CNTN3: variants seen among roughly 807,000 people sequenced by gnomAD.
The protein encoded by CNTN3 is contactin 3.
Under a neutral mutation model 119.1 loss-of-function variants are expected in CNTN3, and 60 were observed. The observed-to-expected ratio is 0.50, with a 90% CI of 0.41 to 0.62. CNTN3 has a LOEUF of 0.62. CNTN3 is among the 20% of genes least tolerant of loss of function. The pLI is 0.00. For missense variants in CNTN3, 1,101 were observed against 1,242.4 expected, an observed-to-expected ratio of 0.89 and a Z score of 1.71; for synonymous variants, 450 against 438.7, an observed-to-expected ratio of 1.03 and a Z score of -0.32.
chr3:74,599,414 C>T (rs1575859205), intron 1 of CNTN3, among the ~76,000 whole-genome samples: 2 of 152,058 alleles, frequency 1.3e-5, no homozygotes, highest in African/African-American at 4.8e-5. Flanking sequence ...ACTCTCCAAC[C>T]TTTTTGGCAC....
At chr3:74,476,389 C>G (rs1702655634) in intron 4 of CNTN3, among the ~76,000 whole-genome samples, 1 of 152,122 alleles carries the variant, frequency 6.6e-6, no homozygotes, top group Non-Finnish European at 1.5e-5. Context: ...AGACAGTTCT[C>G]ACTTTGGTAT....
chr3:74,411,615 C>T (rs1328808233), intron 5 of CNTN3, among the ~76,000 whole-genome samples: 1 of 152,168 alleles, frequency 6.6e-6, no homozygotes, highest in Non-Finnish European at 1.5e-5. Context: ...TATTACCATT[C>T]TGCAAGAATA....
At chr3:74,506,992 G>A (rs1388197385) in intron 2 of CNTN3, among the ~76,000 whole-genome samples, 2 of 151,476 alleles carry the variant, frequency 1.3e-5, no homozygotes, top group Non-Finnish European at 2.9e-5. Flanking sequence ...GTTAGGACCA[G>A]ACACAATTCC....
chr3:74,389,610 C>T (rs1704842467), intron 5 of CNTN3, among the ~76,000 whole-genome samples: 1 of 152,134 alleles, frequency 6.6e-6, no homozygotes, highest in African/African-American at 2.4e-5. Context: ...CTCTTTTAAT[C>T]TTCACACCAT....
chr3:74,418,851 C>T (rs775098708), intron 5 of CNTN3, among the ~76,000 whole-genome samples: 40 of 151,762 alleles, frequency 2.6e-4, no homozygotes, highest in South Asian at 1.0e-3. Context: ...TGCAATGGTG[C>T]GATCTCGGCT....
chr3:74,276,747 AC>A (rs1386216445), intron 20 of CNTN3, among the ~76,000 whole-genome samples: 5 of 152,112 alleles, frequency 3.3e-5, no homozygotes, highest in Non-Finnish European at 7.4e-5. Flanking sequence ...AACAGACCAA[AC>A]CCAAACTCAG....
intron 1 of CNTN3, among the ~76,000 whole-genome samples, chr3:74,594,265 CTTTT>C (rs1178602846): frequency 8.5e-4 from 92 of 108,212 alleles, no homozygotes; most frequent in Non-Finnish European, 1.5e-3. Context: ...AACTGTATTT[CTTTT>C]TTTCTTTTTT....
chr3:74,264,779 G>GA (rs1701636337), intron 22 of CNTN3, among the ~76,000 whole-genome samples: 1 of 152,130 alleles, frequency 6.6e-6, no homozygotes, highest in East Asian at 1.9e-4. Flanking sequence ...AGCCAAAAAG[G>GA]ACTAAGACAC....
intron 11 of CNTN3, among the ~76,000 whole-genome samples, chr3:74,352,847 C>CTACG (rs1312403342): frequency 3.3e-5 from 5 of 152,154 alleles, no homozygotes; most frequent in African/African-American, 1.2e-4. Context: ...GAGATCTCAG[C>CTACG]TACGTATCTG....
At chr3:74,503,071 T>A (rs142860630) in intron 2 of CNTN3, among the ~76,000 whole-genome samples, 1 of 152,204 alleles carries the variant, frequency 6.6e-6, no homozygotes, top group Non-Finnish European at 1.5e-5. Context: ...AGAGCTCATC[T>A]TCTCACCTTG....
At position 74,371,399 on chromosome 3, in the gene CNTN3, T is replaced by C; in HGVS notation, c.455A>G (p.Glu152Gly). The C allele has an allele frequency of 6.2e-7, 1 of 1,610,070 alleles. No individual in the cohort carries two copies. Among genetic ancestry groups the C allele is most frequent in the East Asian group, 2.2e-5 (1 of 44,842 alleles). ...LLCGPPPHSGELSYAWIFNEY... is the reference protein window; with the variant it reads ...LLCGPPPHSGGLSYAWIFNEY... Reference sequence around the variant, plus strand: ...ATTGAAGATCCAAGCATATGACAGTTCTAATAAAATTGTTGAAGAGAGAAA... The same window carrying C: ...ATTGAAGATCCAAGCATATGACAGTCCTAATAAAATTGTTGAAGAGAGAAA... The change falls in exon 6 of 23, where the codon GAA becomes GGA. Residue 152 changes from glutamate to glycine, a missense_variant and splice_region_variant. Physicochemically the swap from Glu to Gly is moderately conservative, Grantham distance 98 (BLOSUM62 -2). Transcript: ENST00000263665.
intron 16 of CNTN3, among the ~76,000 whole-genome samples, chr3:74,300,910 A>G (rs1240096008): frequency 1.3e-5 from 2 of 152,316 alleles, no homozygotes; most frequent in Non-Finnish European, 1.5e-5. Context: ...TCTCACATGG[A>G]AATTCCTATC....
intron 5 of CNTN3, among the ~76,000 whole-genome samples, chr3:74,378,850 T>G (rs1704543514): frequency 6.6e-6 from 1 of 152,182 alleles, no homozygotes; most frequent in Non-Finnish European, 1.5e-5. Context: ...CCCTTCTTGC[T>G]TTTGTAGGGC....
chr3:74,610,945 A>G (rs1322749785), intron 1 of CNTN3, among the ~76,000 whole-genome samples: 1 of 152,258 alleles, frequency 6.6e-6, no homozygotes. Flanking sequence ...CTCATTTATC[A>G]GTAATATAAT....
At chr3:74,388,249 TAAA>T (rs1704805788) in intron 5 of CNTN3, among the ~76,000 whole-genome samples, 1 of 152,170 alleles carries the variant, frequency 6.6e-6, no homozygotes, top group Non-Finnish European at 1.5e-5. Context: ...TGAATTTAAA[TAAA>T]AAGTCTACAC....
At chr3:74,386,723 C>A (rs1362257141) in intron 5 of CNTN3, among the ~76,000 whole-genome samples, 1 of 152,156 alleles carries the variant, frequency 6.6e-6, no homozygotes, top group African/African-American at 2.4e-5. Flanking sequence ...AAAATGATAA[C>A]CTTATAGGTG....
intron 11 of CNTN3, among the ~76,000 whole-genome samples, chr3:74,356,054 G>A (rs868305687): frequency 2.6e-5 from 4 of 152,078 alleles, no homozygotes; most frequent in South Asian, 4.1e-4. Flanking sequence ...AAGAAGGGGG[G>A]CCTTTGGGAA....
chr3:74,517,680 TTCCATGACA>T (rs1226941179), intron 2 of CNTN3, among the ~76,000 whole-genome samples: 1 of 151,882 alleles, frequency 6.6e-6, no homozygotes, highest in Non-Finnish European at 1.5e-5. Flanking sequence ...CTTCCTCAAT[TTCCATGACA>T]TCCTGCTGCA....
chr3:74,531,576 A>G (rs939358230), intron 1 of CNTN3, among the ~76,000 whole-genome samples: 2 of 152,018 alleles, frequency 1.3e-5, no homozygotes, highest in African/African-American at 4.8e-5. Flanking sequence ...TAGGTGATTC[A>G]TGAGAGTGAG....
Sources: gnomAD v4.1 joint callset for allele counts (sites outside exome capture counted in the v4.1 genomes callset) on GRCh38, gnomAD v4.1.1 for gene constraint, MANE v1.5 for transcripts, NCBI Gene and HGNC (gene_info 2026-07-23, HGNC 2026-07-21) for gene names.